RNF152: variants seen among roughly 807,000 people sequenced by gnomAD.
RNF152 encodes ring finger protein 152.
A neutral mutation model predicts 12.7 loss-of-function variants in RNF152; 11 were observed. The ratio of observed to expected loss-of-function variants is 0.86; its 90% CI spans 0.54 to 1.43. The LOEUF (loss-of-function observed/expected upper bound fraction) is 1.43, where lower values mean the gene tolerates loss of function less well. RNF152 is among the 40% of genes most tolerant of loss of function. RNF152 has a pLI of 0.00. For missense variants in RNF152, 255 were observed against 274.8 expected (o/e 0.93, Z 0.51); for synonymous variants, 113 against 120.3 (o/e 0.94, Z 0.40).
At chr18:61,839,989 C>G (rs1258546535) in intron 1 of RNF152, among the ~76,000 whole-genome samples, 1 of 152,192 alleles carries the variant, frequency 6.6e-6, no homozygotes, top group African/African-American at 2.4e-5. Context: ...AGCCCTGGCT[C>G]CTTTTAGTGA....
intron 1 of RNF152, among the ~76,000 whole-genome samples, chr18:61,835,719 C>T (rs1486990149): frequency 6.6e-6 from 1 of 152,176 alleles, no homozygotes; most frequent in Non-Finnish European, 1.5e-5. Flanking sequence ...TGAATACAAG[C>T]ACTCCATACG....
At chr18:61,884,320 T>G (rs1458863277) in intron 1 of RNF152, among the ~76,000 whole-genome samples, 2 of 152,072 alleles carry the variant, frequency 1.3e-5, no homozygotes, top group Non-Finnish European at 2.9e-5. Context: ...TTTTTAAAAT[T>G]CCAGTTCATA....
At position 61,814,216 on chromosome 18, in the gene RNF152, A is replaced by G. The variant is rs953277706; in HGVS notation, c.*1636T>C. 2 of 152,234 alleles carry G rather than the reference A, an allele frequency of 1.3e-5. No homozygotes were observed. The highest frequency in any genetic ancestry group is 1.9e-4 in the East Asian group (1 of 5,192). The allele number at this position is 152,234 out of a possible 1,614,324, so 9.4% of individuals were successfully genotyped here. Reference sequence around the variant, plus strand: ...ATATTTTGTGCTGCTTGAAGATAACAGACAGCATGTAAATAAATTAAATTG... The same window carrying G: ...ATATTTTGTGCTGCTTGAAGATAACGGACAGCATGTAAATAAATTAAATTG... On this transcript the variant is annotated 3_prime_UTR_variant, in exon 2 of 2. Coordinates refer to ENST00000312828, the MANE Select transcript of RNF152 (RefSeq NM_173557.3).
intron 1 of RNF152, among the ~76,000 whole-genome samples, chr18:61,855,405 C>T (rs1377670327): frequency 2.6e-5 from 4 of 152,368 alleles, no homozygotes; most frequent in East Asian, 3.9e-4. Flanking sequence ...GTGGGGGAGG[C>T]GCAGCCAGGA....
intron 1 of RNF152, among the ~76,000 whole-genome samples, chr18:61,844,134 G>GAAAGAAAGAAAGAA (rs1910626732): frequency 7.6e-6 from 1 of 131,024 alleles, no homozygotes; most frequent in Non-Finnish European, 1.6e-5. Context: ...AAGAAAGAAA[G>GAAAGAAAGAAAGAA]AAAGAAATTA....
chr18:61,833,689 G>C (rs1009527249), intron 1 of RNF152, among the ~76,000 whole-genome samples: 2 of 152,160 alleles, frequency 1.3e-5, no homozygotes, highest in Non-Finnish European at 2.9e-5. Context: ...CAGGGCCAAA[G>C]GGACTATGCA....
Position 61,829,472 on chromosome 18 carries a change from G to A in RNF152, c.-135-12874C>T, listed in dbSNP as rs114133247. Among the ~76,000 whole-genome samples, 446 of 151,742 alleles carry A rather than the reference G, an allele frequency of 2.9e-3. 2 individuals are homozygous for A. The highest frequency in any genetic ancestry group is 0.01 in the African/African-American group (421 of 41,344). On this transcript the variant is annotated intron_variant, in intron 1 of 1. Coordinates refer to ENST00000312828, the MANE Select transcript of RNF152 (RefSeq NM_173557.3). ...GCAGCAGAAGCAGAGAGCAAAACAA[G>A]GCCCAGGGAGAGAGGAGAGAGGGGA...
At chr18:61,887,768 C>G (rs930456443) in intron 1 of RNF152, among the ~76,000 whole-genome samples, 1 of 151,342 alleles carries the variant, frequency 6.6e-6, no homozygotes, top group Non-Finnish European at 1.5e-5. Flanking sequence ...TTACCAAAAT[C>G]TCTTCAATTC....
At chr18:61,824,381 G>A (rs1314287645) in intron 1 of RNF152, among the ~76,000 whole-genome samples, 1 of 152,212 alleles carries the variant, frequency 6.6e-6, no homozygotes, top group Admixed American at 6.5e-5. Context: ...ACACTGCTGG[G>A]TTTCCAACCG....
chr18:61,848,957 T>A (rs542366790), intron 1 of RNF152, among the ~76,000 whole-genome samples: 1 of 151,982 alleles, frequency 6.6e-6, no homozygotes, highest in African/African-American at 2.4e-5. Flanking sequence ...CACAAACCAA[T>A]AGCCCGTGGA....
At position 61,830,894 on chromosome 18, in the gene RNF152, T is replaced by G. The variant is rs930156110; in HGVS notation, c.-135-14296A>C. ...AAGGTTAGAGATAGCCAATACTCTC[T>G]GAATCTTGAGATTTTGTACCTAGCA... On this transcript the variant is annotated intron_variant, in intron 1 of 1. Coordinates refer to ENST00000312828, the MANE Select transcript of RNF152 (RefSeq NM_173557.3). Among the ~76,000 whole-genome samples the G allele has an allele frequency of 2.6e-5, 4 of 152,260 alleles. 1 individual carries two copies. Among genetic ancestry groups the G allele is most frequent in the Middle Eastern group, 6.3e-3 (2 of 316 alleles).
In RNF152 at chr18:61,867,842, G is replaced by T. The variant is rs543879724; in HGVS notation, c.-136+24953C>A. Among the ~76,000 whole-genome samples, 8 of 152,234 alleles carry T rather than the reference G, an allele frequency of 5.3e-5. 1 individual carries two copies. The highest frequency in any genetic ancestry group is 1.9e-4 in the African/African-American group (8 of 41,558). On this transcript the variant is annotated intron_variant, in intron 1 of 1. Transcript: ENST00000312828. ...CTCTTAAATCCTATAAAATGGCCACGAATGTCCAGTGCACACTAATTCTAT... is the reference window on the plus strand; with the variant it reads ...CTCTTAAATCCTATAAAATGGCCACTAATGTCCAGTGCACACTAATTCTAT...
At chr18:61,859,406 G>T (rs911370773) in intron 1 of RNF152, among the ~76,000 whole-genome samples, 3 of 152,168 alleles carry the variant, frequency 2.0e-5, no homozygotes, top group African/African-American at 7.2e-5. Context: ...CAACACATGC[G>T]TCAGAGACAT....
At chr18:61,856,308 G>A (rs895770643) in intron 1 of RNF152, among the ~76,000 whole-genome samples, 3 of 152,142 alleles carry the variant, frequency 2.0e-5, no homozygotes, top group African/African-American at 7.2e-5. Context: ...AATACACGAT[G>A]GGTTCCTGTC....
intron 1 of RNF152, among the ~76,000 whole-genome samples, chr18:61,820,256 G>A (rs528320556): frequency 6.7e-6 from 1 of 149,778 alleles, no homozygotes; most frequent in South Asian, 2.1e-4. Context: ...GTGAACCCAG[G>A]GGGCGGAGCT....
intron 1 of RNF152, among the ~76,000 whole-genome samples, chr18:61,831,984 C>T (rs569287168): frequency 6.6e-6 from 1 of 152,012 alleles, no homozygotes; most frequent in South Asian, 2.1e-4. Flanking sequence ...CACACATATA[C>T]CAAATAAAAT....
At chr18:61,820,067 C>T (rs1166394954) in intron 1 of RNF152, among the ~76,000 whole-genome samples, 3 of 147,708 alleles carry the variant, frequency 2.0e-5, no homozygotes, top group South Asian at 4.3e-4. Flanking sequence ...TGGTGGCTCA[C>T]GCCTGTAATC....
intron 1 of RNF152, chr18:61,875,067 T>C (rs1912155299): frequency 6.6e-6 from 1 of 152,260 alleles, no homozygotes; most frequent in South Asian, 2.1e-4. Flanking sequence ...CCATTTCCAG[T>C]TGGAATCAGG....
chr18:61,872,632 A>G (rs1012773021), intron 1 of RNF152, among the ~76,000 whole-genome samples: 1 of 152,174 alleles, frequency 6.6e-6, no homozygotes, highest in Non-Finnish European at 1.5e-5. Context: ...ACATTTGAAA[A>G]GCATTTGCCA....
Sources: allele counts gnomAD v4.1 joint callset (sites outside exome capture counted in the v4.1 genomes callset), GRCh38; gene constraint gnomAD v4.1.1; transcripts MANE v1.5; gene names NCBI Gene and HGNC (gene_info 2026-07-23, HGNC 2026-07-21).